NLN: variants seen among roughly 807,000 people sequenced by gnomAD.
NLN encodes the protein neurolysin, mitochondrial.
A neutral mutation model predicts 79.9 loss-of-function variants in NLN; 64 were observed. That is an observed-to-expected ratio of 0.80 (90% CI 0.65 to 0.99). NLN has a LOEUF of 0.99. Ranked by LOEUF, NLN falls within the 50% of genes least tolerant of loss-of-function variation. NLN has a pLI of 0.00. For synonymous variants in NLN, 267 were observed against 296.6 expected (o/e 0.90, Z 1.02); for missense variants, 835 against 858.7 (o/e 0.97, Z 0.34).
In NLN at chr5:65,769,165, G is replaced by A. The variant is rs114311417; in HGVS notation, c.450+6057G>A. On this transcript the variant is annotated intron_variant, in intron 3 of 12. Coordinates refer to ENST00000380985, the MANE Select transcript of NLN (RefSeq NM_020726.5). ...GACATCACTTCTGCCATACCATATG[G>A]GTTGACAAGTCACCGCATTCTGCCC... is the stretch of plus-strand genomic sequence containing the variant. 2.5e-4 allele frequency among the ~76,000 whole-genome samples: 38 copies of A among 152,322 alleles called. 1 individual carries two copies. The highest frequency in any genetic ancestry group is 8.9e-4 in the African/African-American group (37 of 41,570).
chr5:65,795,001 C>T (rs565727514), intron 9 of NLN, among the ~76,000 whole-genome samples: 2 of 152,166 alleles, frequency 1.3e-5, no homozygotes, highest in African/African-American at 4.8e-5. Context: ...TCTCTTTAAT[C>T]CAAGGAAAAT....
At chr5:65,748,914 ATCC>A (rs1347961849) in intron 1 of NLN, among the ~76,000 whole-genome samples, 2 of 152,236 alleles carry the variant, frequency 1.3e-5, no homozygotes, top group Non-Finnish European at 2.9e-5. Context: ...AGCTCCCATA[ATCC>A]TCATGTGTCA....
chr5:65,731,756 T>C (rs1280149502), intron 1 of NLN, among the ~76,000 whole-genome samples: 3 of 115,612 alleles, frequency 2.6e-5, no homozygotes, highest in Non-Finnish European at 5.5e-5. Context: ...TTTTTTTTTT[T>C]TTTTTTTTTT....
At chr5:65,789,894 G>GT (rs936807256) in intron 8 of NLN, among the ~76,000 whole-genome samples, 1 of 152,220 alleles carries the variant, frequency 6.6e-6, no homozygotes, top group Non-Finnish European at 1.5e-5. Context: ...TCAGATTTGA[G>GT]TTTGAATGCT....
intron 2 of NLN, among the ~76,000 whole-genome samples, chr5:65,762,404 G>A (rs1759358457): frequency 6.6e-6 from 1 of 152,092 alleles, no homozygotes; most frequent in East Asian, 1.9e-4. Context: ...ACACCCTCAG[G>A]CTAGATGCAG....
intron 3 of NLN, among the ~76,000 whole-genome samples, chr5:65,771,553 G>A (rs914720749): frequency 1.6e-4 from 25 of 151,958 alleles, no homozygotes; most frequent in Admixed American, 1.2e-3. Flanking sequence ...TTTTTAGAGC[G>A]GCAGGCTTTG....
At chr5:65,736,029 T>C (rs1579909985) in intron 1 of NLN, among the ~76,000 whole-genome samples, 1 of 152,338 alleles carries the variant, frequency 6.6e-6, no homozygotes, top group East Asian at 1.9e-4. Flanking sequence ...TATAAAATGA[T>C]ATTTCTAGTA....
At chr5:65,776,395 AC>A (rs1759680169) in intron 3 of NLN, among the ~76,000 whole-genome samples, 1 of 152,268 alleles carries the variant, frequency 6.6e-6, no homozygotes, top group South Asian at 2.1e-4. Context: ...TCTAGCACCA[AC>A]AATCTAAAAT....
At chr5:65,789,787 A>C (rs1034170681) in intron 8 of NLN, among the ~76,000 whole-genome samples, 1 of 152,198 alleles carries the variant, frequency 6.6e-6, no homozygotes, top group African/African-American at 2.4e-5. Flanking sequence ...CAAAATATTT[A>C]TTAGATAATC....
chr5:65,736,235 A>C (rs889883089), intron 1 of NLN, among the ~76,000 whole-genome samples: 1 of 152,206 alleles, frequency 6.6e-6, no homozygotes, highest in African/African-American at 2.4e-5. Context: ...TTAGTTTTGC[A>C]TAATGAAACT....
chr5:65,765,120 C>T (rs750690649), intron 3 of NLN, among the ~76,000 whole-genome samples: 15 of 152,286 alleles, frequency 9.8e-5, no homozygotes, highest in East Asian at 1.9e-4. Flanking sequence ...TGGTGGCTCA[C>T]GCCTGTAATC....
intron 3 of NLN, among the ~76,000 whole-genome samples, chr5:65,769,449 C>A (rs1020633487): frequency 1.3e-5 from 2 of 152,174 alleles, no homozygotes; most frequent in South Asian, 4.2e-4. Context: ...GAAGGGATAC[C>A]CCATTCTCTG....
rs781441277 is a variant in NLN at position 65,788,393 on chromosome 5, C to A, written c.1234C>A (p.His412Asn). 1.7e-5 allele frequency: 28 copies of A among 1,613,952 alleles called. No homozygotes were observed. Among genetic ancestry groups the A allele is most frequent in the Non-Finnish European group, 2.4e-5 (28 of 1,179,964 alleles). ...TTCATTTGAACAAATGACAGATGCT[C>A]ATGTTTGGAACAAGAGTGTTACACT... The part of the protein sequence containing the change: ...GLSFEQMTDA[H>N]VWNKSVTLYT... The change falls in exon 8 of 13, where the codon CAT becomes AAT. Residue 412 changes from histidine to asparagine, a missense_variant. His to Asn is a moderately conservative substitution (Grantham distance 68, BLOSUM62 1). Transcript: ENST00000380985.
intron 1 of NLN, among the ~76,000 whole-genome samples, chr5:65,739,380 T>C (rs1348336369): frequency 3.3e-5 from 5 of 152,308 alleles, no homozygotes; most frequent in African/African-American, 1.2e-4. Context: ...TAATATTTCA[T>C]TGTGTATGTA....
chr5:65,772,576 C>A (rs1437791588), intron 3 of NLN, among the ~76,000 whole-genome samples: 2 of 152,148 alleles, frequency 1.3e-5, no homozygotes, highest in Non-Finnish European at 2.9e-5. Context: ...TAGTAAATGT[C>A]ATGGACTGGG....
At chr5:65,812,213 A>C in intron 11 of NLN, 42 bp from the exon 12 acceptor site, 1 of 1,582,944 alleles carries the variant, frequency 6.3e-7, no homozygotes, top group Non-Finnish European at 8.7e-7. Flanking sequence ...CTGATCATTA[A>C]CGTTTGCTAT....
At chr5:65,735,044 G>A (rs1758700141) in intron 1 of NLN, among the ~76,000 whole-genome samples, 5 of 152,144 alleles carry the variant, frequency 3.3e-5, no homozygotes, top group African/African-American at 1.2e-4. Context: ...GTTTGGCTGT[G>A]TCCCCACCCA....
At chr5:65,749,678 T>C (rs1759060713) in intron 1 of NLN, among the ~76,000 whole-genome samples, 1 of 152,158 alleles carries the variant, frequency 6.6e-6, no homozygotes, top group Admixed American at 6.5e-5. Flanking sequence ...TCACAAATAT[T>C]TGCTGTGTTG....
At chr5:65,775,915 CAG>C (rs1224511847) in intron 3 of NLN, among the ~76,000 whole-genome samples, 2 of 152,208 alleles carry the variant, frequency 1.3e-5, no homozygotes, top group African/African-American at 4.8e-5. Flanking sequence ...AGGATAACCT[CAG>C]AGTAAATATA....
Sources: gnomAD v4.1 joint callset for allele counts (sites outside exome capture counted in the v4.1 genomes callset) on GRCh38, gnomAD v4.1.1 for gene constraint, MANE v1.5 for transcripts, NCBI Gene and HGNC (gene_info 2026-07-23, HGNC 2026-07-21) for gene names.